PTPRK: variants seen among roughly 807,000 people sequenced by gnomAD.
PTPRK encodes the protein receptor-type tyrosine-protein phosphatase kappa.
In PTPRK, 75 loss-of-function variants were observed where a neutral mutation model predicts 178.0. The observed-to-expected ratio is 0.42, with a 90% CI of 0.35 to 0.51. The LOEUF is 0.51. Among genes scored for constraint, PTPRK ranks in the 20% least tolerant of loss-of-function variants. The probability of loss-of-function intolerance (pLI) is 0.02; values close to 1 mark genes in which losing one functional copy is unlikely to be tolerated. For synonymous variants in PTPRK, 637 were observed against 620.6 expected (o/e 1.03, Z -0.39); for missense variants, 1,441 against 1,797.8 (o/e 0.80, Z 3.59).
chr6:128,390,409 A>G (rs1199283082), intron 2 of PTPRK, among the ~76,000 whole-genome samples: 1 of 152,188 alleles, frequency 6.6e-6, no homozygotes, highest in Non-Finnish European at 1.5e-5. Flanking sequence ...CAGCAATTCC[A>G]AACAACAGTG....
At chr6:128,143,086 C>T (rs1051810610) in intron 7 of PTPRK, among the ~76,000 whole-genome samples, 2 of 152,050 alleles carry the variant, frequency 1.3e-5, no homozygotes, top group Admixed American at 6.6e-5. Context: ...AACACTTCTC[C>T]CCTTTCTCTT....
Position 127,969,258 on chromosome 6 carries a change from A to G in PTPRK, c.*969T>C, listed in dbSNP as rs1773658132. The stretch of plus-strand genomic sequence containing the variant: ...GTCAGCAAGGCCTTTTAATGTGTAC[A>G]TTTCTCATGTATGATCACCAAACCA... On this transcript the variant is annotated 3_prime_UTR_variant, in exon 30 of 30. Transcript: ENST00000368226. 6.6e-6 allele frequency: 1 copy of G among 152,164 alleles called. No individual in the cohort carries two copies. The highest frequency in any genetic ancestry group is 2.4e-5 in the African/African-American group (1 of 41,444). The allele number at this position is 152,164 out of a possible 1,614,324, so 9.4% of individuals were successfully genotyped here. A position where few individuals can be genotyped will look rare whatever the true frequency, so the allele number is the denominator to read the frequency against.
At chr6:127,994,730 C>A (rs895417519) in intron 18 of PTPRK, among the ~76,000 whole-genome samples, 5 of 151,742 alleles carry the variant, frequency 3.3e-5, no homozygotes, top group Admixed American at 2.0e-4. Context: ...ATCAAAGCAA[C>A]CTTTTTCATT....
chr6:128,050,262 C>T (rs1038536525), intron 13 of PTPRK, among the ~76,000 whole-genome samples: 2 of 152,304 alleles, frequency 1.3e-5, no homozygotes, highest in African/African-American at 4.8e-5. Flanking sequence ...TCTCATTGTA[C>T]AAGTGACTCT....
intron 3 of PTPRK, among the ~76,000 whole-genome samples, chr6:128,243,791 G>A (rs556305584): frequency 1.3e-5 from 2 of 152,238 alleles, no homozygotes; most frequent in South Asian, 4.1e-4. Context: ...CTTTATTCAT[G>A]GGGATACATA....
chr6:128,439,032 A>G (rs1259444994), intron 1 of PTPRK, among the ~76,000 whole-genome samples: 7 of 152,222 alleles, frequency 4.6e-5, no homozygotes, highest in Admixed American at 4.6e-4. Context: ...CCAGGGAAAC[A>G]CTGAGATTTG....
chr6:128,065,776 T>C (rs1257165641), intron 12 of PTPRK, among the ~76,000 whole-genome samples: 2 of 152,202 alleles, frequency 1.3e-5, no homozygotes, highest in Admixed American at 6.6e-5. Context: ...GAGACCTTCA[T>C]GGTAACCTGC....
intron 1 of PTPRK, among the ~76,000 whole-genome samples, chr6:128,444,974 T>C (rs909822631): frequency 1.3e-5 from 2 of 151,930 alleles, no homozygotes; most frequent in African/African-American, 4.8e-5. Context: ...TTATATACAA[T>C]ACCATAAATA....
At chr6:127,990,582 G>A (rs1031653239) in intron 21 of PTPRK, among the ~76,000 whole-genome samples, 187 bp downstream of exon 21, 1 of 151,938 alleles carries the variant, frequency 6.6e-6, no homozygotes, top group Non-Finnish European at 1.5e-5. Context: ...CACACGAGGC[G>A]ATTTTAACAT....
In PTPRK at chr6:128,217,311, A is replaced by G. The variant is rs142935428; in HGVS notation, c.868+1611T>C. On this transcript the variant is annotated intron_variant, in intron 6 of 29. Coordinates refer to ENST00000368226, the MANE Select transcript of PTPRK (RefSeq NM_002844.4). ...TGAGCTGAATACGGAGACATCAGAC[A>G]AGTTACACTGAAAATAGTCGTATTT... 8.7e-4 allele frequency among the ~76,000 whole-genome samples: 133 copies of G among 152,328 alleles called. 1 individual carries two copies. Among genetic ancestry groups the G allele is most frequent in the African/African-American group, 3.0e-3 (126 of 41,562 alleles).
chr6:128,474,634 A>G (rs1175317475), intron 1 of PTPRK, among the ~76,000 whole-genome samples: 1 of 152,092 alleles, frequency 6.6e-6, no homozygotes, highest in Non-Finnish European at 1.5e-5. Context: ...AACAACTGAA[A>G]ACTCACAAGT....
intron 13 of PTPRK, among the ~76,000 whole-genome samples, chr6:128,055,746 T>C (rs1358782026): frequency 1.3e-5 from 2 of 152,018 alleles, no homozygotes; most frequent in Non-Finnish European, 2.9e-5. Flanking sequence ...ACTATAAGTG[T>C]GTGCCACCAT....
At chr6:127,971,867 A>T (rs1246349987) in intron 29 of PTPRK, among the ~76,000 whole-genome samples, 1 of 152,154 alleles carries the variant, frequency 6.6e-6, no homozygotes, top group East Asian at 1.9e-4. Context: ...TCAAATCGCA[A>T]AGTTTAGAGA....
At chr6:128,335,868 C>T (rs1463601997) in intron 2 of PTPRK, among the ~76,000 whole-genome samples, 2 of 152,024 alleles carry the variant, frequency 1.3e-5, no homozygotes, top group African/African-American at 2.4e-5. Flanking sequence ...TTAGTGGTCT[C>T]CAATAATTGA....
chr6:128,205,905 C>G (rs560278844), intron 6 of PTPRK, among the ~76,000 whole-genome samples: 11 of 149,418 alleles, frequency 7.4e-5, no homozygotes, highest in Non-Finnish European at 1.5e-4. Context: ...TTCCAGATAA[C>G]TTCTTATTTT....
At chr6:128,088,602 CAA>C (rs930571848) in intron 8 of PTPRK, among the ~76,000 whole-genome samples, 1 of 151,982 alleles carries the variant, frequency 6.6e-6, no homozygotes, top group Non-Finnish European at 1.5e-5. Flanking sequence ...ATCTTACATC[CAA>C]AGAGTGACTT....
intron 12 of PTPRK, among the ~76,000 whole-genome samples, chr6:128,066,729 A>C (rs1417856512): frequency 2.6e-5 from 4 of 151,156 alleles, no homozygotes; most frequent in Non-Finnish European, 5.9e-5. Context: ...TAAATAAATA[A>C]ATAAATAAAA....
Position 128,224,921 on chromosome 6 carries a change from C to A in PTPRK, c.694-5825G>T, listed in dbSNP as rs572449604. Among the ~76,000 whole-genome samples, 32 of 152,284 alleles carry A rather than the reference C, an allele frequency of 2.1e-4. No homozygotes were observed. The South Asian group carries it at 6.6e-3, about 32-fold the overall frequency. On this transcript the variant is annotated intron_variant, in intron 5 of 29. Transcript: ENST00000368226. ...AGACAGAGGAAGTTACTTATCAAAT[C>A]TCTGAAATGACACCAACAATTACTA... is the stretch of plus-strand genomic sequence containing the variant.
chr6:128,356,640 G>A (rs143412980), intron 2 of PTPRK, among the ~76,000 whole-genome samples: 22 of 152,102 alleles, frequency 1.4e-4, no homozygotes, highest in African/African-American at 4.8e-4. Flanking sequence ...TTCAAGTAAT[G>A]GCTTTCATTT....
Sources: allele counts gnomAD v4.1 joint callset (sites outside exome capture counted in the v4.1 genomes callset), GRCh38; gene constraint gnomAD v4.1.1; transcripts MANE v1.5; gene names NCBI Gene and HGNC (gene_info 2026-07-23, HGNC 2026-07-21).